The following MTA3 variants were observed in gnomAD, a reference collection of about 807,000 sequenced individuals.
MTA3 encodes metastasis-associated protein MTA3.
MTA3 carries 34 observed loss-of-function variants against 83.5 expected under a neutral mutation model. The observed-to-expected ratio is 0.41, with a 90% CI of 0.31 to 0.54. The LOEUF (loss-of-function observed/expected upper bound fraction) is 0.54, where lower values mean the gene tolerates loss of function less well. Ranked by LOEUF, MTA3 falls within the 20% of genes least tolerant of loss-of-function variation. The pLI is 0.33. For missense variants in MTA3, 761 were observed against 726.4 expected (o/e 1.05, Z -0.55); for synonymous variants, 303 against 252.7 (o/e 1.20, Z -1.89).
chr2:42,502,074 C>T (rs1032524411), intron 2 of MTA3, among the ~76,000 whole-genome samples: 2 of 151,272 alleles, frequency 1.3e-5, no homozygotes, highest in South Asian at 2.1e-4. Flanking sequence ...GCAGAGGTTA[C>T]AGGCAAAGTC....
At chr2:42,593,438 A>G (rs191112003) in intron 3 of MTA3, among the ~76,000 whole-genome samples, 66 of 152,278 alleles carry the variant, frequency 4.3e-4, no homozygotes, top group African/African-American at 1.5e-3. Flanking sequence ...ACATAATTCT[A>G]TGTGCTATAC....
At chr2:42,728,363 C>CAAATGCGAA (rs766450925) in intron 16 of MTA3, among the ~76,000 whole-genome samples, 3 of 152,174 alleles carry the variant, frequency 2.0e-5, no homozygotes, top group Non-Finnish European at 2.9e-5. Context: ...AGGTTGCTTC[C>CAAATGCGAA]AAATCTTGGC....
chr2:42,504,126 C>T (rs1256762334), intron 2 of MTA3, among the ~76,000 whole-genome samples: 1 of 151,882 alleles, frequency 6.6e-6, no homozygotes, highest in Non-Finnish European at 1.5e-5. Context: ...GATGGGGTTT[C>T]GCTGTGTTGG....
chr2:42,502,144 G>GT (rs1674425875), intron 2 of MTA3, among the ~76,000 whole-genome samples: 1 of 151,484 alleles, frequency 6.6e-6, no homozygotes, highest in African/African-American at 2.4e-5. Flanking sequence ...ACATCTCAAA[G>GT]TGGGGGTGTT....
chr2:42,689,194 A>G (rs1692660350), intron 9 of MTA3, among the ~76,000 whole-genome samples: 1 of 152,204 alleles, frequency 6.6e-6, no homozygotes, highest in Admixed American at 6.5e-5. Flanking sequence ...CCACTTGGTC[A>G]TGAGGTTTGT....
chr2:42,600,056 G>C (rs1219181786), intron 3 of MTA3, among the ~76,000 whole-genome samples: 1 of 152,072 alleles, frequency 6.6e-6, no homozygotes, highest in Non-Finnish European at 1.5e-5. Flanking sequence ...AAATTAGCTG[G>C]GTGTGGCGGC....
intron 6 of MTA3, among the ~76,000 whole-genome samples, chr2:42,654,302 C>T (rs959547387): frequency 6.6e-6 from 1 of 152,160 alleles, no homozygotes. Flanking sequence ...CCTGCTTGCT[C>T]CTATACTAGG....
chr2:42,744,139 C>T (rs1241960831), intron 16 of MTA3, among the ~76,000 whole-genome samples: 1 of 152,074 alleles, frequency 6.6e-6, no homozygotes, highest in Non-Finnish European at 1.5e-5. Context: ...TAGCGGAGTA[C>T]CTTATGTATT....
rs577148495 is a variant in MTA3, at chr2:42,669,257, G to A, written c.702+9395G>A. 2.6e-5 allele frequency among the ~76,000 whole-genome samples: 4 copies of A among 151,944 alleles called. No individual in the cohort carries two copies. The East Asian group carries it at 5.8e-4, about 22-fold the overall frequency. On this transcript the variant is annotated intron_variant, in intron 8 of 16. Coordinates refer to ENST00000405094, the MANE Select transcript of MTA3 (RefSeq NM_001330442.2). ...CCCTGCCCCCCTGGCTAATTTTTGT[G>A]TTTTTAGCAGAGATGGGCTTTTCAC...
At chr2:42,626,367 G>A (rs533662233) in intron 4 of MTA3, among the ~76,000 whole-genome samples, 128 of 151,396 alleles carry the variant, frequency 8.5e-4, no homozygotes, top group Non-Finnish European at 1.5e-3. Context: ...GTGTAATCTC[G>A]GCTCACTGCA....
chr2:42,663,211 A>G (rs1298946362), intron 8 of MTA3, among the ~76,000 whole-genome samples: 1 of 152,060 alleles, frequency 6.6e-6, no homozygotes, highest in East Asian at 1.9e-4. Flanking sequence ...GCAAGTGGAA[A>G]AGCTTGTTCC....
chr2:42,550,228 A>G (rs545216104), intron 2 of MTA3, among the ~76,000 whole-genome samples: 1 of 152,286 alleles, frequency 6.6e-6, no homozygotes, highest in Admixed American at 6.5e-5. Flanking sequence ...TTGCTGTCAC[A>G]CCTCAACCTG....
chr2:42,748,132 G>A (rs535007116), intron 16 of MTA3, among the ~76,000 whole-genome samples: 4 of 151,920 alleles, frequency 2.6e-5, no homozygotes, highest in Admixed American at 6.5e-5. Flanking sequence ...GGGTTCAAGC[G>A]ATTCCCCTGC....
At chr2:42,523,521 A>G (rs958302751) in intron 2 of MTA3, among the ~76,000 whole-genome samples, 7 of 152,204 alleles carry the variant, frequency 4.6e-5, no homozygotes, top group African/African-American at 1.7e-4. Flanking sequence ...CTTCAAGAGC[A>G]GAGCTGCCTG....
At chr2:42,656,706 T>C (rs1260226179) in intron 7 of MTA3, among the ~76,000 whole-genome samples, 1 of 152,232 alleles carries the variant, frequency 6.6e-6, no homozygotes, top group Non-Finnish European at 1.5e-5. Context: ...GGCCTGTTGC[T>C]AAGCATAGCA....
intron 16 of MTA3, among the ~76,000 whole-genome samples, chr2:42,749,941 T>C (rs1370692592): frequency 1.3e-5 from 2 of 152,218 alleles, no homozygotes; most frequent in Non-Finnish European, 2.9e-5. Flanking sequence ...TCATAGATAC[T>C]GTATTTTTTC....
chr2:42,650,929 A>C (rs1688658379), intron 6 of MTA3, among the ~76,000 whole-genome samples: 1 of 152,204 alleles, frequency 6.6e-6, no homozygotes, highest in African/African-American at 2.4e-5. Flanking sequence ...CATTCTGATA[A>C]ATGTGTCCTT....
intron 8 of MTA3, among the ~76,000 whole-genome samples, chr2:42,667,652 AGAGAG>A (rs1690403517): frequency 8.4e-6 from 1 of 119,536 alleles, no homozygotes; most frequent in Admixed American, 9.5e-5. Flanking sequence ...AGAGAGAGAG[AGAGAG>A]TCAGTCTTGC....
intron 3 of MTA3, among the ~76,000 whole-genome samples, chr2:42,605,101 C>T (rs1026442595): frequency 3.3e-5 from 5 of 151,114 alleles, no homozygotes; most frequent in Admixed American, 3.3e-4. Context: ...CTGTTGGGTA[C>T]ACCTCCCAGA....
Sources: gnomAD v4.1 joint callset for allele counts (sites outside exome capture counted in the v4.1 genomes callset) on GRCh38, gnomAD v4.1.1 for gene constraint, MANE v1.5 for transcripts, NCBI Gene and HGNC (gene_info 2026-07-23, HGNC 2026-07-21) for gene names.